Variants in PPP2R2D observed in about 807,000 individuals in gnomAD.
The protein encoded by PPP2R2D is serine/threonine-protein phosphatase 2A 55 kDa regulatory subunit B delta isoform.
Under a neutral mutation model 31.1 loss-of-function variants are expected in PPP2R2D, and 9 were observed. That is an observed-to-expected ratio of 0.29 (90% confidence interval 0.17 to 0.51). The LOEUF is 0.51. Among genes scored for constraint, PPP2R2D ranks in the 20% least tolerant of loss-of-function variants. The pLI is 0.98. For missense variants in PPP2R2D, 391 were observed against 465.6 expected, an observed-to-expected ratio of 0.84 and a Z score of 1.48; for synonymous variants, 179 against 172.6, an observed-to-expected ratio of 1.04 and a Z score of -0.29.
chr10:131,970,279 C>T, the PPP2R2D span: 1 of 261,282 alleles, frequency 3.8e-6, no homozygotes, highest in Admixed American at 5.0e-5. The surrounding 1 kb of genome is among the most constrained non-coding windows in gnomAD (Gnocchi z 4.1). Context: ...CCTCCACCTA[C>T]AGCAGAGCTG....
chr10:131,947,935 G>GA lies in PPP2R2D; in HGVS notation c.1082+145dup. On this transcript the variant is annotated intron_variant, in intron 8 of 8. Transcript: ENST00000455566. This position sits in a 1 kb window ranked among gnomAD's most constrained non-coding sequence, Gnocchi z 4.3. ...TTTCCAGACCTTTTGATTGATGGAT[G>GA]ATAGTATCAAGGTAGAGAAAATAGG... 9.9e-7 allele frequency: 1 copy of GA among 1,005,134 alleles called. No homozygotes were observed. The highest frequency in any genetic ancestry group is 2.6e-5 in the Admixed American group (1 of 38,666). The allele number at this position is 1,005,134 out of a possible 1,614,324, so 62.3% of individuals were successfully genotyped here.
chr10:131,927,094 G>A (rs758414681), intron 2 of PPP2R2D, among the ~76,000 whole-genome samples: 11 of 152,184 alleles, frequency 7.2e-5, no homozygotes, highest in Non-Finnish European at 1.0e-4. Context: ...TGTCTTTGAC[G>A]GGGAGATTAT....
intron 2 of PPP2R2D, among the ~76,000 whole-genome samples, chr10:131,911,218 C>G (rs1488581790): frequency 6.6e-6 from 1 of 152,172 alleles, no homozygotes; most frequent in African/African-American, 2.4e-5. Context: ...CTCCCAGCAT[C>G]AAGATTTAAT....
At position 131,905,609 on chromosome 10, in the gene PPP2R2D, C is replaced by T. The variant is rs1477434077; in HGVS notation, c.100+4279C>T. Among the ~76,000 whole-genome samples, 5 of 152,134 alleles carry T rather than the reference C, an allele frequency of 3.3e-5. No individual in the cohort carries two copies. In the South Asian group the frequency reaches 8.3e-4, roughly 25 times the overall value. On this transcript the variant is annotated intron_variant, in intron 2 of 8. Coordinates refer to ENST00000455566, the MANE Select transcript of PPP2R2D (RefSeq NM_018461.5). Reference sequence around the variant, plus strand: ...TGGTCATTCTGTGCTAGAGATTGCTCGCAGTGCTTTTCCTATGTCAGTGAA... The same window carrying T: ...TGGTCATTCTGTGCTAGAGATTGCTTGCAGTGCTTTTCCTATGTCAGTGAA...
chr10:131,903,270 C>A (rs1030151537), intron 2 of PPP2R2D, among the ~76,000 whole-genome samples: 1 of 151,518 alleles, frequency 6.6e-6, no homozygotes, highest in Non-Finnish European at 1.5e-5. Flanking sequence ...AGTTTGAGAC[C>A]AGCCTGGCCA....
Position 131,918,744 on chromosome 10 carries a change from G to T in PPP2R2D, c.101-15714G>T, listed in dbSNP as rs1554893652. Among the ~76,000 whole-genome samples the T allele has an allele frequency of 4.7e-5, 7 of 147,752 alleles. 1 individual carries two copies. The South Asian group carries it at 1.5e-3, about 33-fold the overall frequency. The stretch of plus-strand genomic sequence containing the variant: ...GACCTCAGGCGGGTGGAATGACACA[G>T]TGTTTGTAGGGACCTCACACGGGTG... On this transcript the variant is annotated intron_variant, in intron 2 of 8. Transcript: ENST00000455566.
Position 131,919,518 on chromosome 10 carries a change from C to CA in PPP2R2D, c.101-14939dup, listed in dbSNP as rs576666849. Among the ~76,000 whole-genome samples the CA allele has an allele frequency of 3.4e-4, 42 of 122,598 alleles. 4 individuals carry two copies. Among genetic ancestry groups the CA allele is most frequent in the Non-Finnish European group, 5.8e-4 (34 of 58,774 alleles). 80.4% of individuals were successfully genotyped at this position (122,598 alleles called of 152,430 possible). ...TACGGACCTCAGGTGGGTGGAATGA[C>CA]ACAGTGTTTGTAGGGACCTCAGGCG... On this transcript the variant is annotated intron_variant, in intron 2 of 8. Transcript: ENST00000455566.
At chr10:131,968,681 A>G in the PPP2R2D span, 2 of 827,248 alleles carry the variant, frequency 2.4e-6, no homozygotes, top group Non-Finnish European at 3.9e-6. Context: ...GGGACTGGTG[A>G]TTTTATACCC....
rs1342427498 is a variant in PPP2R2D at position 131,956,446 on chromosome 10, C to T, written c.*483C>T. On this transcript the variant is annotated 3_prime_UTR_variant, in exon 9 of 9. Coordinates refer to ENST00000455566, the MANE Select transcript of PPP2R2D (RefSeq NM_018461.5). ...ACTCTGTGGATGTGTGGATGTGGCC[C>T]GAGCAGGCTCAGGCGGCCCCACTCA... The T allele has an allele frequency of 1.1e-5, 11 of 985,528 alleles. No homozygotes were observed. The highest frequency in any genetic ancestry group is 1.2e-4 in the Admixed American group (2 of 16,272). 61.0% of individuals were successfully genotyped at this position (985,528 alleles called of 1,614,324 possible). A position where few individuals can be genotyped will look rare whatever the true frequency, so the allele number is the denominator to read the frequency against.
chr10:131,916,315 T>A (rs538418284), intron 2 of PPP2R2D, among the ~76,000 whole-genome samples: 4 of 146,192 alleles, frequency 2.7e-5, no homozygotes, highest in Non-Finnish European at 6.0e-5. Flanking sequence ...GACACCCAGG[T>A]TGGCATAGAT....
At position 131,947,753 on chromosome 10, in the gene PPP2R2D, C is replaced by G; in HGVS notation, c.1044C>G (p.Ile348Met). 6.2e-7 allele frequency: 1 copy of G among 1,614,194 alleles called. No homozygotes were observed. The highest frequency in any genetic ancestry group is 8.5e-7 in the Non-Finnish European group (1 of 1,180,040). ...KLCSLYENDC[I>M]FDKFECCWNG... ...GCTCTCTCTATGAGAACGACTGCAT[C>G]TTTGACAAGTTTGAGTGTTGCTGGA... Residue 348 changes from isoleucine to methionine, a missense_variant, in exon 8 of 9, where the codon ATC becomes ATG. Ile to Met is a conservative substitution (Grantham distance 10). This residue lies in a region of PPP2R2D where 163 missense variants were observed against 179.5 expected (regional missense o/e 0.91). Coordinates refer to ENST00000455566, the MANE Select transcript of PPP2R2D (RefSeq NM_018461.5). This position sits in a 1 kb window ranked among gnomAD's most constrained non-coding sequence, Gnocchi z 4.3.
intron 2 of PPP2R2D, among the ~76,000 whole-genome samples, chr10:131,926,059 A>G (rs2036099457): frequency 6.6e-6 from 1 of 152,174 alleles, no homozygotes; most frequent in Admixed American, 6.5e-5. Flanking sequence ...ATGCACAATG[A>G]CCTGGGCGGG....
At chr10:131,902,363 C>T (rs1028935000) in intron 2 of PPP2R2D, among the ~76,000 whole-genome samples, 1 of 152,230 alleles carries the variant, frequency 6.6e-6, no homozygotes, top group Non-Finnish European at 1.5e-5. Flanking sequence ...TCTCGGCCCC[C>T]CCAACCCCGT....
the PPP2R2D span, chr10:131,970,439 G>C: frequency 8.5e-6 from 6 of 710,024 alleles, no homozygotes; most frequent in African/African-American, 8.9e-5. This position sits in a 1 kb window ranked among gnomAD's most constrained non-coding sequence, Gnocchi z 4.1. Context: ...CAGCACCACA[G>C]GGCGCCTGTG....
intron 8 of PPP2R2D, among the ~76,000 whole-genome samples, chr10:131,948,031 C>T (rs188491046): frequency 2.6e-5 from 4 of 152,322 alleles, no homozygotes; most frequent in Admixed American, 2.6e-4. Context: ...GCACTAGGTA[C>T]AGGCCGGCTA....
Position 131,959,737 on chromosome 10 carries a change from A to G in PPP2R2D, c.*3774A>G, listed in dbSNP as rs2036897308. 2 of 152,354 alleles carry G rather than the reference A, an allele frequency of 1.3e-5. No homozygotes were observed. Among genetic ancestry groups the G allele is most frequent in the East Asian group, 1.9e-4 (1 of 5,190 alleles). The allele number at this position is 152,354 out of a possible 1,614,324, so 9.4% of individuals were successfully genotyped here. On this transcript the variant is annotated 3_prime_UTR_variant, in exon 9 of 9. Coordinates refer to ENST00000455566, the MANE Select transcript of PPP2R2D (RefSeq NM_018461.5). The stretch of plus-strand genomic sequence containing the variant: ...GGAACAGTTATTTAAGCATTAGTCA[A>G]CCCTGGTCCTTAAGACAGTTCTAGT...
intron 8 of PPP2R2D, among the ~76,000 whole-genome samples, chr10:131,954,070 C>A (rs1554899536): frequency 6.6e-6 from 1 of 152,200 alleles, no homozygotes; most frequent in Non-Finnish European, 1.5e-5. Context: ...TTCTAGGTCG[C>A]CCCACAGAAC....
At chr10:131,934,643 T>C (rs1264700830) in intron 3 of PPP2R2D, 88 bp downstream of exon 3, 21 of 715,208 alleles carry the variant, frequency 2.9e-5, no homozygotes, top group Non-Finnish European at 4.4e-5. Flanking sequence ...TATTTTCTCA[T>C]TGTCTCATTT....
rs782393174 is a variant in PPP2R2D, at chr10:131,940,136, A to T, written c.304A>T (p.Ile102Phe). 1 of 778,026 alleles carries T rather than the reference A, an allele frequency of 1.3e-6. No individual in the cohort carries two copies. The highest frequency in any genetic ancestry group is 2.4e-6 in the Non-Finnish European group (1 of 416,976). The allele number at this position is 778,026 out of a possible 1,614,324, so 48.2% of individuals were successfully genotyped here. ...YLKSLEIEEK[I>F]NKIRWLPQQN... ...GAAAAGTCTAGAAATTGAGGAAAAA[A>T]TTAATAAAATTAGGTGGTTACCACA... Residue 102 changes from isoleucine (I) to phenylalanine (F), a missense_variant, in exon 4 of 9, where the codon ATT (isoleucine) becomes TTT (phenylalanine). Physicochemically the swap from Ile to Phe is conservative, Grantham distance 21 (BLOSUM62 0). Around this residue, in one of 3 missense-constraint regions of PPP2R2D, gnomAD observed 105 missense variants for 98.5 expected, o/e 1.07. Transcript: ENST00000455566.
Sources: allele counts gnomAD v4.1 joint callset (sites outside exome capture counted in the v4.1 genomes callset), GRCh38; gene constraint gnomAD v4.1.1; regional missense constraint gnomAD v4.1.1; non-coding constraint Gnocchi (gnomAD v3.1); transcripts MANE v1.5; gene names NCBI Gene and HGNC (gene_info 2026-07-23, HGNC 2026-07-21).